The following SSUH2 variants were observed in gnomAD, a reference collection of about 807,000 sequenced individuals.
SSUH2 encodes the protein protein SSUH2 homolog.
In SSUH2, 47 loss-of-function variants were observed where a neutral mutation model predicts 55.3. That is an observed-to-expected ratio of 0.85 (90% CI 0.67 to 1.08). SSUH2 has a LOEUF of 1.08. Among genes scored for constraint, SSUH2 ranks in the 50% least tolerant of loss-of-function variants. The pLI, the probability that SSUH2 is intolerant of heterozygous loss-of-function variation, is 0.00. For missense variants in SSUH2, 535 were observed against 490.7 expected (o/e 1.09, Z -0.85); for synonymous variants, 212 against 191.5 (o/e 1.11, Z -0.89).
intron 5 of SSUH2, among the ~76,000 whole-genome samples, chr3:8,670,366 T>C (rs1233533659): frequency 2.6e-5 from 4 of 152,014 alleles, no homozygotes; most frequent in Non-Finnish European, 5.9e-5. Context: ...TTATGAATAA[T>C]AACACAGGCG....
rs759136821 is a variant in SSUH2, at chr3:8,630,789, G to A, written c.525+16C>T. 35 of 1,368,668 alleles carry A rather than the reference G, an allele frequency of 2.6e-5. No homozygotes were observed. Among genetic ancestry groups the A allele is most frequent in the Middle Eastern group, 3.9e-4 (2 of 5,114 alleles). The allele number at this position is 1,368,668 out of a possible 1,614,324, so 84.8% of individuals were successfully genotyped here. On this transcript the variant is annotated intron_variant, in intron 6 of 11. Transcript: ENST00000544814. ...GAGAAGGGCAAGTATTCCAGTAATC[G>A]CGTTAATCGTATTACCTTGACCAGT...
chr3:8,641,920 G>C (rs1700915568), intron 1 of SSUH2, among the ~76,000 whole-genome samples: 1 of 152,214 alleles, frequency 6.6e-6, no homozygotes, highest in Non-Finnish European at 1.5e-5. Flanking sequence ...CCAAGGGAGA[G>C]TCCCAGCTGC....
rs1553607037 is a variant in SSUH2 at position 8,679,127 on chromosome 3, C to CG, written c.-901+577dup. 1.6e-4 allele frequency among the ~76,000 whole-genome samples: 14 copies of CG among 85,976 alleles called. 4 individuals carry two copies. Among genetic ancestry groups the CG allele is most frequent in the Admixed American group, 5.6e-4 (5 of 8,994 alleles). The allele number at this position is 85,976 out of a possible 152,430, so 56.4% of individuals were successfully genotyped here. On this transcript the variant is annotated intron_variant, in intron 2 of 18. Transcript: ENST00000317371. The stretch of plus-strand genomic sequence containing the variant: ...CCCCTGGCTCTTAGGACCCAAATTG[C>CG]GGGGGGGAGGCACCCCCGCGAGGCG...
intron 2 of SSUH2, among the ~76,000 whole-genome samples, chr3:8,678,202 T>G (rs1055472068): frequency 4.6e-5 from 7 of 152,026 alleles, no homozygotes; most frequent in African/African-American, 1.4e-4. Context: ...CCCCTCCGCC[T>G]TGGAATATTA....
At position 8,629,646 on chromosome 3, in the gene SSUH2, G is replaced by GGTTCACAGATGACTCACCAGTA; in HGVS notation, c.588+17_588+18insTACTGGTGAGTCATCTGTGAAC. ...ACCACACCCTCACTGACTCACCAGT[G>GGTTCACAGATGACTCACCAGTA]GTTCACAGATGACTCACCGTGCCCG... On this transcript the variant is annotated intron_variant, in intron 7 of 11. Coordinates refer to ENST00000544814, the MANE Select transcript of SSUH2 (RefSeq NM_001256748.3). 6.2e-7 allele frequency: 1 copy of GGTTCACAGATGACTCACCAGTA among 1,613,834 alleles called. No individual in the cohort carries two copies. Among genetic ancestry groups the GGTTCACAGATGACTCACCAGTA allele is most frequent in the Non-Finnish European group, 8.5e-7 (1 of 1,179,808 alleles).
intron 5 of SSUH2, among the ~76,000 whole-genome samples, chr3:8,670,662 T>C (rs1315639170): frequency 6.6e-6 from 1 of 151,900 alleles, no homozygotes; most frequent in Non-Finnish European, 1.5e-5. Flanking sequence ...TAATGAATCA[T>C]ATCAGAGGGT....
At chr3:8,669,999 G>A (rs559737964) in intron 5 of SSUH2, among the ~76,000 whole-genome samples, 9 of 152,136 alleles carry the variant, frequency 5.9e-5, no homozygotes, top group Non-Finnish European at 1.3e-4. Flanking sequence ...TTAATTTCTT[G>A]TTTTTGATCC....
intron 6 of SSUH2, among the ~76,000 whole-genome samples, chr3:8,663,152 G>A (rs1355137415): frequency 6.6e-6 from 1 of 152,152 alleles, no homozygotes; most frequent in Non-Finnish European, 1.5e-5. Flanking sequence ...ATAAATCCAG[G>A]GACAGCTATT....
rs1479195867 is a variant in SSUH2 at position 8,678,763 on chromosome 3, G to A, written c.-901+942C>T. 3.9e-5 allele frequency among the ~76,000 whole-genome samples: 4 copies of A among 103,568 alleles called. 2 individuals are homozygous for A. The highest frequency in any genetic ancestry group is 8.7e-5 in the Non-Finnish European group (4 of 46,034). The allele number at this position is 103,568 out of a possible 152,430, so 67.9% of individuals were successfully genotyped here. A position where few individuals can be genotyped will look rare whatever the true frequency, so the allele number is the denominator to read the frequency against. On this transcript the variant is annotated intron_variant, in intron 2 of 18. Coordinates refer to the SSUH2 transcript ENST00000317371. ...ACCACACGCGAGGCGGGGAAAGAGA[G>A]CCAGCCCCTCTTCCCTCCCTGCCAC...
chr3:8,679,360 C>T (rs1317376316), intron 2 of SSUH2, among the ~76,000 whole-genome samples: 3 of 83,702 alleles, frequency 3.6e-5, no homozygotes, highest in African/African-American at 7.3e-5. Flanking sequence ...CGACCCCCAT[C>T]GCATTGGCGG....
intron 6 of SSUH2, among the ~76,000 whole-genome samples, chr3:8,662,188 T>C (rs1703558924): frequency 2.0e-5 from 3 of 152,184 alleles, no homozygotes; most frequent in Admixed American, 1.3e-4. Flanking sequence ...ATGTTTGTTA[T>C]GCAAAGATAA....
chr3:8,642,190 A>G (rs1575206761), intron 1 of SSUH2, among the ~76,000 whole-genome samples: 1 of 152,224 alleles, frequency 6.6e-6, no homozygotes, highest in Non-Finnish European at 1.5e-5. Context: ...CAAAGAAGTA[A>G]GTTCTATCAC....
exon 4 of SSUH2, chr3:8,671,988 C>T (rs1199901074): frequency 1.3e-5 from 2 of 152,054 alleles, no homozygotes; most frequent in African/African-American, 4.8e-5. Flanking sequence ...ATATTATAGA[C>T]GGGTGTACAT....
rs140981580 is a variant in SSUH2 at position 8,630,911 on chromosome 3, G to T, written c.419C>A (p.Pro140Gln). ...QPFTNHSVDG[P>Q]QRGASPRLWD... ...GAGCCTGGGGGAGGCGCCTCTTTGC[G>T]GCCCATCCACAGAGTGGTCTGACAC... Residue 140 changes from proline (P) to glutamine (Q), a missense_variant, in exon 6 of 12, where the codon CCG (proline) becomes CAG (glutamine). Pro to Gln is a moderately conservative substitution (Grantham distance 76, BLOSUM62 -1). Transcript: ENST00000544814. 7.2e-5 allele frequency: 104 copies of T among 1,449,644 alleles called. No individual in the cohort carries two copies. In the East Asian group the frequency reaches 2.3e-3, roughly 32 times the overall value. 89.8% of individuals were successfully genotyped at this position (1,449,644 alleles called of 1,614,324 possible).
At chr3:8,673,183 C>T (rs1388017037) in intron 3 of SSUH2, among the ~76,000 whole-genome samples, 2 of 151,976 alleles carry the variant, frequency 1.3e-5, no homozygotes, top group Non-Finnish European at 2.9e-5. Flanking sequence ...TAATACCAGG[C>T]ATCATTAATA....
intron 3 of SSUH2, among the ~76,000 whole-genome samples, chr3:8,677,031 G>T (rs555164105): frequency 6.8e-6 from 1 of 147,922 alleles, no homozygotes; most frequent in East Asian, 2.2e-4. Context: ...GCGGTGGGGG[G>T]AGGAACCCCC....
At chr3:8,672,456 T>C (rs908114450) in intron 3 of SSUH2, among the ~76,000 whole-genome samples, 1 of 152,110 alleles carries the variant, frequency 6.6e-6, no homozygotes, top group South Asian at 2.1e-4. Flanking sequence ...CTTTCTGTGA[T>C]ATTGGGAGTA....
intron 1 of SSUH2, among the ~76,000 whole-genome samples, chr3:8,680,636 C>A (rs1242187910): frequency 6.6e-6 from 1 of 152,090 alleles, no homozygotes; most frequent in African/African-American, 2.4e-5. Flanking sequence ...TCATCTTCTT[C>A]CCTCCAGGAT....
In SSUH2 at chr3:8,629,616, C is replaced by T. The variant is rs184263217; in HGVS notation, c.588+48G>A. 1.5e-3 allele frequency: 974 copies of T among 665,488 alleles called. 6 individuals are homozygous for T. The highest frequency in any genetic ancestry group is 0.012 in the African/African-American group (832 of 67,234). The allele number at this position is 665,488 out of a possible 1,614,324, so 41.2% of individuals were successfully genotyped here. ...CCAGCCCGCTGTCCCCAGGATCCCC[C>T]GGCCACCACACCCTCACTGACTCAC... On this transcript the variant is annotated intron_variant, in intron 7 of 11. Coordinates refer to ENST00000544814, the MANE Select transcript of SSUH2 (RefSeq NM_001256748.3).
Sources: gnomAD v4.1 joint callset for allele counts (sites outside exome capture counted in the v4.1 genomes callset) on GRCh38, gnomAD v4.1.1 for gene constraint, MANE v1.5 for transcripts, NCBI Gene and HGNC (gene_info 2026-07-23, HGNC 2026-07-21) for gene names.